Variants in HSPA4 observed in about 807,000 individuals in gnomAD.
HSPA4 encodes the protein heat shock protein family A (Hsp70) member 4, also known as heat shock 70 kDa protein 4.
Under a neutral mutation model 106.2 loss-of-function variants are expected in HSPA4, and 25 were observed. The ratio of observed to expected loss-of-function variants is 0.24; its 90% CI spans 0.17 to 0.33. The LOEUF (loss-of-function observed/expected upper bound fraction) is 0.33. Ranked by LOEUF, HSPA4 falls within the 10% of genes least tolerant of loss-of-function variation. The pLI is 1.00. For missense variants in HSPA4, 841 were observed against 996.0 expected (o/e 0.84, Z 2.10); for synonymous variants, 332 against 333.6 (o/e 1.00, Z 0.05).
At position 133,097,009 on chromosome 5, in the gene HSPA4, C is replaced by G. The variant is rs190170268; in HGVS notation, c.1804-152C>G. On this transcript the variant is annotated intron_variant, in intron 14 of 18. Coordinates refer to ENST00000304858, the MANE Select transcript of HSPA4 (RefSeq NM_002154.4). ...ACTCTTTTTGATATTCAAAGTCTGT[C>G]AAGGATTAGTCTTCCCACTTACCTT... is the stretch of plus-strand genomic sequence containing the variant. 62 of 477,458 alleles carry G rather than the reference C, an allele frequency of 1.3e-4. No individual in the cohort carries two copies. In the East Asian group the frequency reaches 2.0e-3, roughly 15 times the overall value. 29.6% of individuals were successfully genotyped at this position (477,458 alleles called of 1,614,324 possible). A position where few individuals can be genotyped will look rare whatever the true frequency, so the allele number is the denominator to read the frequency against.
At chr5:133,093,133 G>A (rs1561585190) in intron 13 of HSPA4, among the ~76,000 whole-genome samples, 1 of 151,852 alleles carries the variant, frequency 6.6e-6, no homozygotes, top group Non-Finnish European at 1.5e-5. Context: ...ACCCGGCTGA[G>A]TTGTGTTTTA....
At position 133,105,401 on chromosome 5, in the gene HSPA4, G is replaced by A. The variant is rs549829719; in HGVS notation, c.*965G>A. The A allele has an allele frequency of 2.0e-5, 3 of 152,318 alleles. No individual in the cohort carries two copies. Among genetic ancestry groups the A allele is most frequent in the African/African-American group, 4.8e-5 (2 of 41,574 alleles). 9.4% of individuals were successfully genotyped at this position (152,318 alleles called of 1,614,324 possible). On this transcript the variant is annotated 3_prime_UTR_variant, in exon 19 of 19. Coordinates refer to ENST00000304858, the MANE Select transcript of HSPA4 (RefSeq NM_002154.4). ...CTGTCATGAACCTGCCAATTTGTAC[G>A]TGTTAAGCAGCTGACAGATGATGCA...
At chr5:133,085,338 A>G (rs998136399) in intron 7 of HSPA4, among the ~76,000 whole-genome samples, 12 of 151,904 alleles carry the variant, frequency 7.9e-5, no homozygotes, top group Non-Finnish European at 1.0e-4. Flanking sequence ...TTCCAACTAT[A>G]TGACATTTTG....
intron 1 of HSPA4, among the ~76,000 whole-genome samples, chr5:133,053,432 C>T (rs976153963): frequency 6.6e-6 from 1 of 150,812 alleles, no homozygotes; most frequent in African/African-American, 2.4e-5. Context: ...GCCTCGACCT[C>T]CCTGGCTCCT....
At chr5:133,101,281 T>C (rs536252113) in intron 16 of HSPA4, among the ~76,000 whole-genome samples, 11 of 152,306 alleles carry the variant, frequency 7.2e-5, no homozygotes, top group Admixed American at 1.3e-4. Flanking sequence ...CCTTTCCTTA[T>C]TTAGTTTATG....
rs1765417478 is a variant in HSPA4 at position 133,074,046 on chromosome 5, C to T, written c.583C>T (p.Pro195Ser). The T allele has an allele frequency of 1.9e-6, 3 of 1,607,782 alleles. No individual in the cohort carries two copies. The highest frequency in any genetic ancestry group is 2.5e-6 in the Non-Finnish European group (3 of 1,177,110). ...GGATCTTCCTGCCTTAGAAGAGAAA[C>T]CAAGAAATGTAGTTTTTGTAGACAT... Reference protein sequence around the residue: ...KQDLPALEEKPRNVVFVDMGH... With the variant: ...KQDLPALEEKSRNVVFVDMGH... The change falls in exon 6 of 19, where the codon CCA becomes TCA. Residue 195 changes from proline (P) to serine (S), a missense_variant. This residue lies in a region of HSPA4 where 347 missense variants were observed against 408.7 expected (regional missense o/e 0.85). Coordinates refer to ENST00000304858, the MANE Select transcript of HSPA4 (RefSeq NM_002154.4).
chr5:133,071,433 CTG>C (rs962838663), intron 4 of HSPA4, among the ~76,000 whole-genome samples: 18 of 152,196 alleles, frequency 1.2e-4, no homozygotes, highest in African/African-American at 4.1e-4. Context: ...GGACAACAGA[CTG>C]AGACCCTGTC....
chr5:133,104,130 A>T, intron 18 of HSPA4, 103 bp from the exon 19 acceptor site: 1 of 1,414,632 alleles, frequency 7.1e-7, no homozygotes, highest in Non-Finnish European at 9.8e-7. Flanking sequence ...TTTAGCTTCT[A>T]GGTTGAGGAT....
chr5:133,066,729 C>CTTTTTT (rs1561577482), intron 2 of HSPA4, among the ~76,000 whole-genome samples: 1 of 132,122 alleles, frequency 7.6e-6, no homozygotes, highest in Admixed American at 7.5e-5. Flanking sequence ...TTTTTCTTTT[C>CTTTTTT]TTTTTTCTTT....
chr5:133,073,780 G>A (rs970932833), intron 5 of HSPA4, among the ~76,000 whole-genome samples: 5 of 152,186 alleles, frequency 3.3e-5, no homozygotes, highest in Non-Finnish European at 5.9e-5. Flanking sequence ...AAGTCCATTG[G>A]CAACTGTAAG....
intron 10 of HSPA4, 26 bp downstream of exon 10, chr5:133,089,187 T>C: frequency 8.0e-7 from 1 of 1,254,894 alleles, no homozygotes; most frequent in East Asian, 2.4e-5. Flanking sequence ...ATCATTTACA[T>C]ATCTAAAGTT....
intron 18 of HSPA4, 93 bp from the exon 19 acceptor site, chr5:133,104,140 T>G: frequency 7.0e-7 from 1 of 1,430,074 alleles, no homozygotes; most frequent in Non-Finnish European, 9.7e-7. Context: ...AGGTTGAGGA[T>G]TGGGTGGTGG....
At chr5:133,097,806 C>T (rs1230805894) in intron 15 of HSPA4, among the ~76,000 whole-genome samples, 2 of 152,020 alleles carry the variant, frequency 1.3e-5, no homozygotes, top group Non-Finnish European at 2.9e-5. Context: ...GCCTTGGCCT[C>T]CCGAAGTGCT....
intron 1 of HSPA4, among the ~76,000 whole-genome samples, chr5:133,054,963 C>T (rs1267409478): frequency 6.6e-6 from 1 of 152,156 alleles, no homozygotes; most frequent in African/African-American, 2.4e-5. Context: ...TGTTCCTATC[C>T]TTTCTTTTAG....
intron 11 of HSPA4, chr5:133,090,977 T>C (rs1240923353): frequency 3.3e-6 from 2 of 614,928 alleles, no homozygotes; most frequent in African/African-American, 3.7e-5. Flanking sequence ...ATTTGAGTTC[T>C]TAATTGGGGC....
intron 6 of HSPA4, among the ~76,000 whole-genome samples, chr5:133,076,448 T>C (rs761688013): frequency 6.6e-6 from 1 of 152,250 alleles, no homozygotes; most frequent in Admixed American, 6.5e-5. Context: ...TCTAGGTCTG[T>C]AGCATTATCT....
intron 15 of HSPA4, 42 bp downstream of exon 15, chr5:133,097,328 T>G: frequency 6.3e-7 from 1 of 1,579,054 alleles, no homozygotes. Context: ...GTGTCTTCTG[T>G]GAACATCTTT....
chr5:133,053,504 A>G (rs1463431875), intron 1 of HSPA4, among the ~76,000 whole-genome samples: 2 of 151,642 alleles, frequency 1.3e-5, no homozygotes, highest in Non-Finnish European at 2.9e-5. Context: ...GTGCGCCACC[A>G]TGCTTGGCTA....
intron 3 of HSPA4, among the ~76,000 whole-genome samples, chr5:133,069,079 A>T (rs1342215057): frequency 2.0e-5 from 3 of 152,142 alleles, no homozygotes; most frequent in African/African-American, 7.2e-5. Context: ...AAAAGAAGAG[A>T]GCAACATGTT....
Sources: gnomAD v4.1 joint callset for allele counts (sites outside exome capture counted in the v4.1 genomes callset) on GRCh38, gnomAD v4.1.1 for gene constraint, gnomAD v4.1.1 regional missense constraint, MANE v1.5 for transcripts, NCBI Gene and HGNC (gene_info 2026-07-23, HGNC 2026-07-21) for gene names.